MED12L: variants seen among roughly 807,000 people sequenced by gnomAD.
MED12L encodes mediator complex subunit 12L, also known as mediator of RNA polymerase II transcription subunit 12-like protein.
In MED12L, 60 loss-of-function variants were observed where a neutral mutation model predicts 281.3. The ratio of observed to expected loss-of-function variants is 0.21; its 90% CI spans 0.17 to 0.26. The LOEUF is 0.26. Among genes scored for constraint, MED12L ranks in the 10% least tolerant of loss-of-function variants. The probability of loss-of-function intolerance (pLI) is 1.00; values close to 1 mark genes in which losing one functional copy is unlikely to be tolerated. For synonymous variants in MED12L, 974 were observed against 987.2 expected (o/e 0.99, Z 0.25); for missense variants, 2,146 against 2,680.9 (o/e 0.80, Z 4.41).
intron 16 of MED12L, among the ~76,000 whole-genome samples, chr3:151,211,100 G>T (rs1481831765): frequency 2.0e-5 from 3 of 152,190 alleles, no homozygotes; most frequent in African/African-American, 7.2e-5. Flanking sequence ...TGTTACTCTG[G>T]ACCTGAAAGT....
At chr3:151,163,857 C>T (rs1418669009) in intron 8 of MED12L, 36 bp from the exon 9 acceptor site, 1 of 1,589,834 alleles carries the variant, frequency 6.3e-7, no homozygotes, top group Non-Finnish European at 8.6e-7. Flanking sequence ...TTTTCTCCTT[C>T]CTCTGAACAT....
chr3:151,394,830 G>A lies in MED12L; in HGVS notation c.5783G>A (p.Arg1928Gln), dbSNP rs761647557. ...MKLLQQQQQQ[R>Q]LLRQAQTRPF... ...CTTCTGCAGCAGCAGCAGCAACAGC[G>A]ACTTCTCAGGCAAGCCCAGACTCGG... Residue 1928 changes from arginine to glutamine, a missense_variant, in exon 39 of 45, where the codon CGA (arginine) becomes CAA (glutamine). Arg to Gln is a conservative substitution (Grantham distance 43). Around this residue, in one of 9 missense-constraint regions of MED12L, gnomAD observed 496 missense variants for 512.0 expected, o/e 0.97. Coordinates refer to ENST00000687756, the MANE Select transcript of MED12L (RefSeq NM_001393769.1). 4.8e-5 allele frequency: 78 copies of A among 1,614,030 alleles called. No homozygotes were observed. Among genetic ancestry groups the A allele is most frequent in the Non-Finnish European group, 6.3e-5 (74 of 1,180,036 alleles).
intron 11 of MED12L, among the ~76,000 whole-genome samples, chr3:151,178,358 A>G (rs1042909325): frequency 2.0e-5 from 3 of 152,082 alleles, no homozygotes; most frequent in Admixed American, 2.0e-4. Context: ...TCTAATAGCC[A>G]CAAAGCTGTG....
intron 43 of MED12L, among the ~76,000 whole-genome samples, chr3:151,424,367 TCC>T (rs1718613237): frequency 6.6e-6 from 1 of 152,214 alleles, no homozygotes; most frequent in Admixed American, 6.5e-5. Flanking sequence ...ACGCCTGTAA[TCC>T]CAGCACTTTG....
chr3:151,113,553 G>T (rs770239800), intron 2 of MED12L, among the ~76,000 whole-genome samples: 2 of 152,238 alleles, frequency 1.3e-5, no homozygotes, highest in Non-Finnish European at 2.9e-5. Flanking sequence ...TAGGAGACCA[G>T]TTAGGAGACA....
chr3:151,296,945 C>T (rs1425544159), intron 16 of MED12L, among the ~76,000 whole-genome samples: 1 of 152,174 alleles, frequency 6.6e-6, no homozygotes, highest in Admixed American at 6.5e-5. Context: ...AGGAGAGAAA[C>T]AGGAAAGTTT....
intron 2 of MED12L, among the ~76,000 whole-genome samples, chr3:151,100,590 T>C (rs534087243): frequency 6.6e-6 from 1 of 152,210 alleles, no homozygotes; most frequent in Non-Finnish European, 1.5e-5. Context: ...AGGTTAATAT[T>C]GACATTGCTT....
chr3:151,271,773 G>A (rs1158042956), intron 16 of MED12L, among the ~76,000 whole-genome samples: 2 of 152,124 alleles, frequency 1.3e-5, no homozygotes, highest in Non-Finnish European at 2.9e-5. Context: ...AGACACAAAC[G>A]ACTATGTACC....
At chr3:151,407,259 G>C (rs974933386) in intron 39 of MED12L, among the ~76,000 whole-genome samples, 2 of 152,180 alleles carry the variant, frequency 1.3e-5, no homozygotes, top group Non-Finnish European at 2.9e-5. Context: ...AAAGAAGAGC[G>C]AAGAGTTAGA....
At chr3:151,086,749 C>T (rs867445160) in intron 1 of MED12L, 49 bp from the exon 2 acceptor site, 5 of 548,782 alleles carry the variant, frequency 9.1e-6, no homozygotes, top group Non-Finnish European at 3.3e-6. Context: ...TGCGTGTCTG[C>T]TGCCGGGCAG....
At chr3:151,405,792 A>G (rs2108321933) in intron 39 of MED12L, among the ~76,000 whole-genome samples, 1 of 152,350 alleles carries the variant, frequency 6.6e-6, no homozygotes, top group East Asian at 1.9e-4. Flanking sequence ...TAATGCTGGC[A>G]GGAAGAAGAA....
At chr3:151,402,139 C>G (rs1319915071) in intron 39 of MED12L, among the ~76,000 whole-genome samples, 1 of 152,190 alleles carries the variant, frequency 6.6e-6, no homozygotes, top group Non-Finnish European at 1.5e-5. Context: ...TCCTCCTATA[C>G]TTTCCAATCC....
At chr3:151,301,153 C>G (rs918941592) in intron 16 of MED12L, among the ~76,000 whole-genome samples, 1 of 152,048 alleles carries the variant, frequency 6.6e-6, no homozygotes, top group Non-Finnish European at 1.5e-5. Context: ...TTTTTGGGTG[C>G]CAGCATCACA....
chr3:151,161,775 C>T (rs757717980), intron 8 of MED12L, among the ~76,000 whole-genome samples: 9 of 152,134 alleles, frequency 5.9e-5, no homozygotes, highest in African/African-American at 2.2e-4. Context: ...AATCAGGATC[C>T]AGAGTCCACA....
chr3:151,299,353 C>CTT (rs1559999458), intron 16 of MED12L, among the ~76,000 whole-genome samples: 4 of 57,020 alleles, frequency 7.0e-5, no homozygotes, highest in Non-Finnish European at 1.2e-4. Context: ...TCCTTCCTTC[C>CTT]TTCTTTCTTT....
rs1462118465 is a variant in MED12L at position 151,188,407 on chromosome 3, T to C, written c.1680T>C (p.Ser560=). The C allele has an allele frequency of 8.7e-6, 14 of 1,611,940 alleles. No homozygotes were observed. Among genetic ancestry groups the C allele is most frequent in the Middle Eastern group, 3.3e-4 (2 of 6,070 alleles). The change falls in exon 13 of 45, where the codon TCT becomes TCC. Residue 560 remains serine, a synonymous_variant. Coordinates refer to ENST00000687756, the MANE Select transcript of MED12L (RefSeq NM_001393769.1). Reference sequence around the variant, plus strand: ...AGAAGGAGTCTATTTCTTCATCCTCTCTTGCTGGATCCAGTTTGCCTGTTT... The same window carrying C: ...AGAAGGAGTCTATTTCTTCATCCTCCCTTGCTGGATCCAGTTTGCCTGTTT... ...LDEKESISSS[S]LAGSSLPVFQ...
intron 24 of MED12L, 33 bp from the exon 25 acceptor site, chr3:151,368,117 A>G (rs186054341): frequency 1.9e-6 from 3 of 1,556,762 alleles, no homozygotes; most frequent in Non-Finnish European, 2.7e-6. Flanking sequence ...CAAGTGTGTT[A>G]GAAAACTTGC....
At position 151,372,751 on chromosome 3, in the gene MED12L, G is replaced by T. The variant is rs1474373392; in HGVS notation, c.3849G>T (p.Arg1283Ser). ...GAGAATACGCTAGATATGTACTGAGGACTATCTGTCAACAGGTATTCTAAT... is the reference window on the plus strand; with the variant it reads ...GAGAATACGCTAGATATGTACTGAGTACTATCTGTCAACAGGTATTCTAAT... ...NLREYARYVL[R>S]TICQQEWVGE... is the part of the protein sequence containing the mutation. Residue 1283 changes from arginine to serine, a missense_variant, in exon 27 of 45, where the codon AGG becomes AGT. Coordinates refer to ENST00000687756, the MANE Select transcript of MED12L (RefSeq NM_001393769.1). The T allele has an allele frequency of 6.2e-7, 1 of 1,612,316 alleles. No homozygotes were observed. The highest frequency in any genetic ancestry group is 1.1e-5 in the South Asian group (1 of 91,042).
At chr3:151,374,910 A>G (rs1006746120) in intron 27 of MED12L, among the ~76,000 whole-genome samples, 1 of 152,124 alleles carries the variant, frequency 6.6e-6, no homozygotes, top group Non-Finnish European at 1.5e-5. Context: ...TCCCTCCCAT[A>G]TATTTGTTTT....
Sources: gnomAD v4.1 joint callset for allele counts (sites outside exome capture counted in the v4.1 genomes callset) on GRCh38, gnomAD v4.1.1 for gene constraint, gnomAD v4.1.1 regional missense constraint, MANE v1.5 for transcripts, NCBI Gene and HGNC (gene_info 2026-07-23, HGNC 2026-07-21) for gene names.